Variants in DLC1 observed in about 807,000 individuals in gnomAD.
DLC1 encodes the protein rho GTPase-activating protein 7.
DLC1 carries 54 observed loss-of-function variants against 140.3 expected under a neutral mutation model. The ratio of observed to expected loss-of-function variants is 0.38; its 90% confidence interval spans 0.31 to 0.48. DLC1 has a LOEUF of 0.48. DLC1 is among the 20% of genes least tolerant of loss of function. The pLI is 0.96. For synonymous variants in DLC1, 986 were observed against 728.1 expected (o/e 1.35, Z -5.70); for missense variants, 2,536 against 1,907.0 (o/e 1.33, Z -6.14).
chr8:13,248,699 C>T (rs147983667), intron 5 of DLC1, among the ~76,000 whole-genome samples: 77 of 152,266 alleles, frequency 5.1e-4, no homozygotes, highest in African/African-American at 1.6e-3. Flanking sequence ...ACCCTGAAAA[C>T]GCATTCTGAT....
intron 5 of DLC1, among the ~76,000 whole-genome samples, chr8:13,237,197 A>ATATGTG (rs1554478020): frequency 0.033 from 4,603 of 138,116 alleles, 467 homozygotes; most frequent in East Asian, 0.33. Flanking sequence ...ATATATATAT[A>ATATGTG]TGTGTGTGTG....
intron 4 of DLC1, among the ~76,000 whole-genome samples, chr8:13,329,820 C>G (rs1017271272): frequency 1.3e-5 from 2 of 152,084 alleles, no homozygotes; most frequent in African/African-American, 4.8e-5. Context: ...CCTCTCTATA[C>G]CAGTGTGGTA....
intron 3 of DLC1, among the ~76,000 whole-genome samples, chr8:13,393,989 G>C (rs1373929779): frequency 6.6e-6 from 1 of 151,362 alleles, no homozygotes; most frequent in Non-Finnish European, 1.5e-5. Flanking sequence ...GCCCTGCAGA[G>C]AAGTTAGAAG....
chr8:13,252,493 G>A (rs73543931), intron 5 of DLC1, among the ~76,000 whole-genome samples: 35,529 of 152,006 alleles, frequency 0.23, 4,309 homozygotes, highest in South Asian at 0.34. Context: ...GCTGTTATAG[G>A]CTGTTAATAC....
intron 5 of DLC1, among the ~76,000 whole-genome samples, chr8:13,247,831 T>C (rs1829830053): frequency 6.6e-6 from 1 of 152,226 alleles, no homozygotes; most frequent in Non-Finnish European, 1.5e-5. Flanking sequence ...AACCAAACCA[T>C]GTGATATTTT....
chr8:13,594,391 T>C (rs1013074473), intron 1 of DLC1, among the ~76,000 whole-genome samples: 2 of 152,096 alleles, frequency 1.3e-5, no homozygotes, highest in Admixed American at 6.6e-5. Flanking sequence ...GGCCATTGTT[T>C]TGATTGATTT....
intron 2 of DLC1, among the ~76,000 whole-genome samples, chr8:13,429,844 T>C (rs1838776100): frequency 6.6e-6 from 1 of 152,212 alleles, no homozygotes; most frequent in Admixed American, 6.5e-5. Flanking sequence ...TATTTAATAA[T>C]GCATACTTTA....
chr8:13,502,192 A>C (rs961748748), intron 1 of DLC1, among the ~76,000 whole-genome samples: 2 of 152,228 alleles, frequency 1.3e-5, no homozygotes, highest in Non-Finnish European at 2.9e-5. Context: ...GTAGGTAAGT[A>C]TTTCTGTCAA....
intron 1 of DLC1, among the ~76,000 whole-genome samples, chr8:13,540,677 G>A (rs971286347): frequency 3.9e-5 from 6 of 152,122 alleles, no homozygotes; most frequent in African/African-American, 9.7e-5. Context: ...CTGAAGTATG[G>A]CACTAATTAT....
At position 13,454,980 on chromosome 8, in the gene DLC1, T is replaced by G. The variant is rs75645908; in HGVS notation, c.1023+44069A>C. On this transcript the variant is annotated intron_variant, in intron 2 of 17. Transcript: ENST00000276297. Reference sequence around the variant, plus strand: ...CTTTGAAATCTGAGATCTAGTTTTTTTTTGTTGTTCACTGAATCTCCATGT... The same window carrying G: ...CTTTGAAATCTGAGATCTAGTTTTTGTTTGTTGTTCACTGAATCTCCATGT... Among the ~76,000 whole-genome samples, 496 of 152,292 alleles carry G rather than the reference T, an allele frequency of 3.3e-3. 11 individuals are homozygous for G. In the South Asian group the frequency reaches 0.062, roughly 19 times the overall value.
intron 1 of DLC1, among the ~76,000 whole-genome samples, chr8:13,603,393 T>A (rs1278351785): frequency 6.6e-6 from 1 of 151,730 alleles, no homozygotes; most frequent in Non-Finnish European, 1.5e-5. Context: ...ACTGATTTTT[T>A]ACTTTAATTT....
chr8:13,572,185 G>C (rs1055237541), intron 1 of DLC1, among the ~76,000 whole-genome samples: 1 of 151,514 alleles, frequency 6.6e-6, no homozygotes, highest in African/African-American at 2.4e-5. Context: ...CACCTCCCGG[G>C]TTCACACCAT....
At chr8:13,178,150 C>T (rs987415977) in intron 5 of DLC1, among the ~76,000 whole-genome samples, 1 of 151,998 alleles carries the variant, frequency 6.6e-6, no homozygotes, top group Admixed American at 6.6e-5. Flanking sequence ...AATTGCAGAT[C>T]TAGAAGTGAA....
intron 5 of DLC1, among the ~76,000 whole-genome samples, chr8:13,204,127 G>C (rs2117079858): frequency 6.6e-6 from 1 of 152,270 alleles, no homozygotes; most frequent in South Asian, 2.1e-4. Flanking sequence ...AGACTGTTCT[G>C]TTAAGGAAAA....
At position 13,375,678 on chromosome 8, in the gene DLC1, G is replaced by T. The variant is rs1003607055; in HGVS notation, c.1314+17875C>A. Among the ~76,000 whole-genome samples, 16 of 152,014 alleles carry T rather than the reference G, an allele frequency of 1.1e-4. 1 individual carries two copies. The highest frequency in any genetic ancestry group is 1.0e-3 in the Admixed American group (16 of 15,254). On this transcript the variant is annotated intron_variant, in intron 4 of 17. Coordinates refer to ENST00000276297, the MANE Select transcript of DLC1 (RefSeq NM_182643.3). Reference sequence around the variant, plus strand: ...AATAGCTCTTATTATTTTGAGATACGTATCTTCTATCTAAATTGAATATTT... The same window carrying T: ...AATAGCTCTTATTATTTTGAGATACTTATCTTCTATCTAAATTGAATATTT...
In DLC1 at chr8:13,500,148, T is replaced by C. The variant is rs772404297; in HGVS notation, c.-77A>G. 1.8e-5 allele frequency: 23 copies of C among 1,309,568 alleles called. No homozygotes were observed. The highest frequency in any genetic ancestry group is 2.4e-5 in the Non-Finnish European group (23 of 953,768). The allele number at this position is 1,309,568 out of a possible 1,614,324, so 81.1% of individuals were successfully genotyped here. A position where few individuals can be genotyped will look rare whatever the true frequency, so the allele number is the denominator to read the frequency against. ...GGAGATGGAACTTGATGAAAGATTA[T>C]TTCAAAATCACCAATCAAAGAAGCG... On this transcript the variant is annotated 5_prime_UTR_variant, in exon 2 of 18. Coordinates refer to ENST00000276297, the MANE Select transcript of DLC1 (RefSeq NM_182643.3).
chr8:13,438,366 G>A (rs779953322), intron 2 of DLC1, among the ~76,000 whole-genome samples: 2 of 152,054 alleles, frequency 1.3e-5, no homozygotes, highest in Non-Finnish European at 2.9e-5. Flanking sequence ...GATAAATATC[G>A]TGTTTCTTTT....
intron 2 of DLC1, among the ~76,000 whole-genome samples, chr8:13,424,730 G>T (rs147438917): frequency 6.6e-6 from 1 of 151,754 alleles, no homozygotes; most frequent in African/African-American, 2.4e-5. Flanking sequence ...CCACCACCTC[G>T]CTTGGCTAAT....
At chr8:13,091,187 T>A (rs1180671735) in intron 14 of DLC1, 131 bp downstream of exon 14, 1 of 698,566 alleles carries the variant, frequency 1.4e-6, no homozygotes, top group African/African-American at 1.8e-5. Context: ...AATAAGACAT[T>A]CTCAGGCTAT....
Sources: gnomAD v4.1 joint callset for allele counts (sites outside exome capture counted in the v4.1 genomes callset) on GRCh38, gnomAD v4.1.1 for gene constraint, MANE v1.5 for transcripts, NCBI Gene and HGNC (gene_info 2026-07-23, HGNC 2026-07-21) for gene names.